FREM2: variants seen among roughly 807,000 people sequenced by gnomAD.
FREM2 encodes FRAS1-related extracellular matrix protein 2.
FREM2 carries 119 observed loss-of-function variants against 219.9 expected under a neutral mutation model. That is an observed-to-expected ratio of 0.54 (90% CI 0.47 to 0.63). The LOEUF (loss-of-function observed/expected upper bound fraction) is 0.63. Among genes scored for constraint, FREM2 ranks in the 30% least tolerant of loss-of-function variants. The pLI, the probability that FREM2 is intolerant of heterozygous loss-of-function variation, is 0.00. For missense variants in FREM2, 4,030 were observed against 3,993.6 expected (o/e 1.01, Z -0.25); for synonymous variants, 1,562 against 1,522.8 (o/e 1.03, Z -0.60).
At chr13:38,846,469 G>A (rs767131684) in intron 6 of FREM2, 104 bp from the exon 7 acceptor site, 2 of 1,156,176 alleles carry the variant, frequency 1.7e-6, no homozygotes. Flanking sequence ...GATGATATAA[G>A]GAAGTCCCTA....
chr13:38,784,885 G>T, intron 6 of FREM2, 77 bp downstream of exon 6: 1 of 1,486,090 alleles, frequency 6.7e-7, no homozygotes, highest in South Asian at 1.2e-5. Flanking sequence ...CAGAAAAAAT[G>T]GGAATCTAAA....
At chr13:38,747,393 A>G (rs1470096193) in intron 2 of FREM2, among the ~76,000 whole-genome samples, 12 of 56,824 alleles carry the variant, frequency 2.1e-4, no homozygotes, top group South Asian at 9.0e-4. Flanking sequence ...AGCTGATATA[A>G]TATGTGTGTG....
chr13:38,762,445 CT>C (rs11428192), intron 2 of FREM2, among the ~76,000 whole-genome samples: 5 of 149,134 alleles, frequency 3.4e-5, no homozygotes, highest in East Asian at 2.0e-4. Flanking sequence ...GCTCTCCAAT[CT>C]TTTTTTTTTT....
At position 38,689,821 on chromosome 13, in the gene FREM2, A is replaced by G; in HGVS notation, c.2477A>G (p.Asp826Gly). 1 of 1,614,120 alleles carries G rather than the reference A, an allele frequency of 6.2e-7. No individual in the cohort carries two copies. The highest frequency in any genetic ancestry group is 8.5e-7 in the Non-Finnish European group (1 of 1,180,020). The change falls in exon 1 of 24, where the codon GAC becomes GGC. Residue 826 changes from aspartate to glycine, a missense_variant. By Grantham distance (94) the Asp-to-Gly change is moderately conservative. Transcript: ENST00000280481. ...GTFTLYLHPV[D>G]NQPPEILNTG... is the part of the protein sequence containing the mutation. Reference sequence around the variant, plus strand: ...TTTACCCTTTACTTGCATCCCGTGGACAACCAGCCACCTGAGATCCTCAAC... The same window carrying G: ...TTTACCCTTTACTTGCATCCCGTGGGCAACCAGCCACCTGAGATCCTCAAC...
chr13:38,880,082 C>T (rs946085297), intron 23 of FREM2, among the ~76,000 whole-genome samples: 1 of 152,180 alleles, frequency 6.6e-6, no homozygotes, highest in Non-Finnish European at 1.5e-5. Context: ...TATTCACTCC[C>T]TTAAGAGTTG....
intron 2 of FREM2, among the ~76,000 whole-genome samples, chr13:38,699,590 T>C (rs915195841): frequency 8.5e-5 from 13 of 152,106 alleles, no homozygotes; most frequent in Admixed American, 7.2e-4. Flanking sequence ...ATGTGAGAGA[T>C]AAAAATTTCA....
Position 38,859,573 on chromosome 13 carries a change from C to T in FREM2, c.7502C>T (p.Thr2501Ile). Residue 2501 changes from threonine to isoleucine, a missense_variant, in exon 14 of 24, where the codon ACC becomes ATC. By Grantham distance (89) the Thr-to-Ile change is moderately conservative. This residue lies in a region of FREM2 where 928 missense variants were observed against 1,042.9 expected (regional missense o/e 0.89). Coordinates refer to ENST00000280481, the MANE Select transcript of FREM2 (RefSeq NM_207361.6). Reference sequence around the variant, plus strand: ...CTGGAGCTCATGAGCCCTATTGTAACCATCAGCAGAGAAGAAGGTCAGTCA... The same window carrying T: ...CTGGAGCTCATGAGCCCTATTGTAATCATCAGCAGAGAAGAAGGTCAGTCA... Reference protein sequence around the residue: ...EGLELMSPIVTISREEGLCQP... With the variant: ...EGLELMSPIVIISREEGLCQP... 3 of 1,613,938 alleles carry T rather than the reference C, an allele frequency of 1.9e-6. No individual in the cohort carries two copies. The highest frequency in any genetic ancestry group is 2.5e-6 in the Non-Finnish European group (3 of 1,179,988).
intron 2 of FREM2, among the ~76,000 whole-genome samples, chr13:38,724,738 A>G (rs1272215854): frequency 6.6e-6 from 1 of 152,218 alleles, no homozygotes; most frequent in Non-Finnish European, 1.5e-5. Flanking sequence ...TTTGTTCCTT[A>G]GCCTCATTCT....
intron 16 of FREM2, among the ~76,000 whole-genome samples, chr13:38,866,064 A>G (rs1432744372): frequency 6.6e-6 from 1 of 152,212 alleles, no homozygotes; most frequent in African/African-American, 2.4e-5. Context: ...AGCTGCCTTC[A>G]ATCCATTACT....
chr13:38,876,630 T>A (rs1338206942), intron 20 of FREM2, among the ~76,000 whole-genome samples: 1 of 152,174 alleles, frequency 6.6e-6, no homozygotes, highest in Non-Finnish European at 1.5e-5. Flanking sequence ...TCTTATCTGA[T>A]CTTATCTTGT....
rs975829929 is a variant in FREM2 at position 38,886,923 on chromosome 13, A to G, written c.*6136A>G. On this transcript the variant is annotated 3_prime_UTR_variant, in exon 24 of 24. Coordinates refer to ENST00000280481, the MANE Select transcript of FREM2 (RefSeq NM_207361.6). ...AATTTTTCAAAAACTATCAGGGTCT[A>G]GTTTTATCATACATTTACTAAGTTA... 5 of 152,186 alleles carry G rather than the reference A, an allele frequency of 3.3e-5. No individual in the cohort carries two copies. The highest frequency in any genetic ancestry group is 7.4e-5 in the Non-Finnish European group (5 of 68,026). 9.4% of individuals were successfully genotyped at this position (152,186 alleles called of 1,614,324 possible). A position where few individuals can be genotyped will look rare whatever the true frequency, so the allele number is the denominator to read the frequency against.
intron 4 of FREM2, among the ~76,000 whole-genome samples, chr13:38,778,867 C>G (rs536696830): frequency 3.4e-4 from 52 of 152,248 alleles, no homozygotes; most frequent in African/African-American, 1.2e-3. Flanking sequence ...AGTCCATGAC[C>G]TGAAGACTGC....
intron 6 of FREM2, among the ~76,000 whole-genome samples, chr13:38,787,854 A>G (rs538683520): frequency 6.9e-4 from 105 of 152,032 alleles, no homozygotes; most frequent in African/African-American, 2.5e-3. Context: ...GTCCAGTCAC[A>G]GAATAAGGAA....
rs1370008843 is a variant in FREM2, at chr13:38,884,453, T to G, written c.*3666T>G. On this transcript the variant is annotated 3_prime_UTR_variant, in exon 24 of 24. Transcript: ENST00000280481. ...AAAAGGTGGATATTTTATTTCTGCT[T>G]TTTGAAAATACTTATTTAGTATTGA... 2 of 152,210 alleles carry G rather than the reference T, an allele frequency of 1.3e-5. No individual in the cohort carries two copies. The highest frequency in any genetic ancestry group is 2.9e-5 in the Non-Finnish European group (2 of 68,044). 9.4% of individuals were successfully genotyped at this position (152,210 alleles called of 1,614,324 possible).
In FREM2 at chr13:38,841,564, GAA is replaced by G. The variant is rs371219491; in HGVS notation, c.6020-5000_6020-4999del. 8.4e-3 allele frequency among the ~76,000 whole-genome samples: 1,221 copies of G among 145,716 alleles called. 12 individuals carry two copies. Among genetic ancestry groups the G allele is most frequent in the African/African-American group, 0.029 (1,170 of 39,860 alleles). On this transcript the variant is annotated intron_variant, in intron 6 of 23. Transcript: ENST00000280481. The stretch of plus-strand genomic sequence containing the variant: ...GAAGGCAAAGTATTTCAAAACAAAA[GAA>G]AAAAAAAAGCCTCTTCTCTTTGAGT...
At chr13:38,761,853 T>C (rs1164041688) in intron 2 of FREM2, among the ~76,000 whole-genome samples, 1 of 152,176 alleles carries the variant, frequency 6.6e-6, no homozygotes, top group South Asian at 2.1e-4. Context: ...GCAAGAATCT[T>C]GGCTTGACCT....
intron 6 of FREM2, among the ~76,000 whole-genome samples, chr13:38,789,399 A>G (rs1006762039): frequency 2.6e-5 from 4 of 151,628 alleles, no homozygotes; most frequent in African/African-American, 7.3e-5. Context: ...TCTCTATTGC[A>G]TGTCTATTTA....
chr13:38,820,645 G>T (rs1876006408), intron 6 of FREM2, among the ~76,000 whole-genome samples: 1 of 152,146 alleles, frequency 6.6e-6, no homozygotes, highest in Non-Finnish European at 1.5e-5. Context: ...TACTATTGTT[G>T]TGATCAAAAA....
intron 2 of FREM2, among the ~76,000 whole-genome samples, chr13:38,712,454 C>A (rs1378623407): frequency 6.6e-6 from 1 of 152,164 alleles, no homozygotes; most frequent in Admixed American, 6.5e-5. Flanking sequence ...TCCTCAAGGA[C>A]AATATATTTA....
Sources: allele counts gnomAD v4.1 joint callset (sites outside exome capture counted in the v4.1 genomes callset), GRCh38; gene constraint gnomAD v4.1.1; regional missense constraint gnomAD v4.1.1; transcripts MANE v1.5; gene names NCBI Gene and HGNC (gene_info 2026-07-23, HGNC 2026-07-21).